The following CFAP95 variants were observed in gnomAD, a reference collection of about 807,000 sequenced individuals.
CFAP95 encodes the protein cilia- and flagella-associated protein 95.
the CFAP95 span, among the ~76,000 whole-genome samples, chr9:69,864,691 CCTGGG>C: frequency 1.3e-5 from 2 of 152,134 alleles, no homozygotes; most frequent in African/African-American, 4.8e-5. Context: ...CAGTAGCAAG[CCTGGG>C]CTGCAGTTTA....
the CFAP95 span, among the ~76,000 whole-genome samples, chr9:69,837,243 C>T: frequency 1.3e-5 from 2 of 152,184 alleles, no homozygotes; most frequent in Non-Finnish European, 1.5e-5. Flanking sequence ...TGGGTATATA[C>T]CCAGTAATGG....
At chr9:69,889,688 C>T in the CFAP95 span, among the ~76,000 whole-genome samples, 1 of 152,060 alleles carries the variant, frequency 6.6e-6, no homozygotes, top group East Asian at 1.9e-4. Context: ...TTCTTTGCTG[C>T]AACACCTGCT....
At chr9:69,854,111 C>A in the CFAP95 span, among the ~76,000 whole-genome samples, 33 of 152,184 alleles carry the variant, frequency 2.2e-4, no homozygotes, top group African/African-American at 7.7e-4. Flanking sequence ...TGGGAGATAA[C>A]ATTTGCCGCT....
the CFAP95 span, among the ~76,000 whole-genome samples, chr9:69,823,694 G>C: frequency 6.6e-6 from 1 of 152,216 alleles, no homozygotes; most frequent in Non-Finnish European, 1.5e-5. Context: ...TCACCTGGGT[G>C]CAGGCGGGCT....
the CFAP95 span, among the ~76,000 whole-genome samples, chr9:69,844,057 T>A: frequency 6.6e-6 from 1 of 152,184 alleles, no homozygotes; most frequent in Non-Finnish European, 1.5e-5. Flanking sequence ...TATTGCCTCT[T>A]TAGAAGCAGA....
chr9:69,875,992 A>G, the CFAP95 span, among the ~76,000 whole-genome samples: 1 of 152,170 alleles, frequency 6.6e-6, no homozygotes, highest in Non-Finnish European at 1.5e-5. Context: ...TAAATATTAC[A>G]ATTATAAATC....
the CFAP95 span, among the ~76,000 whole-genome samples, chr9:69,832,601 A>G: frequency 5.4e-5 from 4 of 73,830 alleles, no homozygotes; most frequent in African/African-American, 2.3e-4. Context: ...TATTTCTTCT[A>G]TAGAAATAGT....
At chr9:69,830,557 T>A in the CFAP95 span, among the ~76,000 whole-genome samples, 6 of 152,226 alleles carry the variant, frequency 3.9e-5, no homozygotes, top group Non-Finnish European at 8.8e-5. Context: ...GTATCTTAGA[T>A]GTAATGGGCA....
At chr9:69,877,447 T>C in the CFAP95 span, among the ~76,000 whole-genome samples, 2 of 152,224 alleles carry the variant, frequency 1.3e-5, no homozygotes, top group Non-Finnish European at 2.9e-5. Context: ...CACACGTACA[T>C]AAATTATTTT....
the CFAP95 span, among the ~76,000 whole-genome samples, chr9:69,835,955 T>A: frequency 6.6e-6 from 1 of 152,256 alleles, no homozygotes; most frequent in Non-Finnish European, 1.5e-5. Context: ...AGCTGGGCCC[T>A]CTGGCTTGGG....
At chr9:69,879,836 C>A in the CFAP95 span, among the ~76,000 whole-genome samples, 1 of 150,602 alleles carries the variant, frequency 6.6e-6, no homozygotes, top group Admixed American at 6.6e-5. Context: ...ATTTGCCATG[C>A]CAAACCATCC....
At chr9:69,874,367 C>T in the CFAP95 span, among the ~76,000 whole-genome samples, 1 of 152,166 alleles carries the variant, frequency 6.6e-6, no homozygotes, top group African/African-American at 2.4e-5. Context: ...ATGTTGTTCA[C>T]TCTTTGGAAT....
the CFAP95 span, among the ~76,000 whole-genome samples, chr9:69,839,725 C>G: frequency 6.6e-6 from 1 of 151,290 alleles, no homozygotes; most frequent in Non-Finnish European, 1.5e-5. Context: ...CATGTCTGGA[C>G]AAATTTTGGT....
the CFAP95 span, among the ~76,000 whole-genome samples, chr9:69,881,823 G>T: frequency 0.22 from 33,242 of 151,974 alleles, 4,198 homozygotes; most frequent in Non-Finnish European, 0.27. Context: ...ATTTTGTGGT[G>T]TTCTCTTCAA....
At chr9:69,863,006 G>T in the CFAP95 span, among the ~76,000 whole-genome samples, 1 of 152,216 alleles carries the variant, frequency 6.6e-6, no homozygotes, top group Admixed American at 6.5e-5. Flanking sequence ...ATCACAGATG[G>T]AGGAGATAGA....
At chr9:69,905,650 G>A in the CFAP95 span, among the ~76,000 whole-genome samples, 1 of 152,070 alleles carries the variant, frequency 6.6e-6, no homozygotes, top group East Asian at 1.9e-4. Context: ...CTATATATAT[G>A]ATCATAAAAT....
At chr9:69,840,194 A>T in the CFAP95 span, among the ~76,000 whole-genome samples, 2 of 152,104 alleles carry the variant, frequency 1.3e-5, no homozygotes, top group Non-Finnish European at 2.9e-5. Context: ...TATTTTTCTC[A>T]TGAAGAATTT....
At chr9:69,845,270 A>G in the CFAP95 span, among the ~76,000 whole-genome samples, 1 of 152,216 alleles carries the variant, frequency 6.6e-6, no homozygotes, top group Admixed American at 6.5e-5. Context: ...TCCAGTCAGC[A>G]TAAGGCAAGA....
At chr9:69,858,435 GC>G in the CFAP95 span, among the ~76,000 whole-genome samples, 1 of 152,136 alleles carries the variant, frequency 6.6e-6, no homozygotes, top group Non-Finnish European at 1.5e-5. Context: ...TAACTCTTAT[GC>G]TTTTTGTTGG....
Sources: allele counts gnomAD v4.1 joint callset (sites outside exome capture counted in the v4.1 genomes callset), GRCh38; gene constraint gnomAD v4.1.1; transcripts MANE v1.5; gene names NCBI Gene and HGNC (gene_info 2026-07-23, HGNC 2026-07-21).